Variants in FBLN5 observed in about 807,000 individuals in gnomAD.
The protein encoded by FBLN5 is fibulin-5.
In FBLN5, 24 loss-of-function variants were observed where a neutral mutation model predicts 61.6. That is an observed-to-expected ratio of 0.39 (90% CI 0.28 to 0.55). FBLN5 has a LOEUF of 0.55. FBLN5 is among the 20% of genes least tolerant of loss of function. The pLI is 0.65. For missense variants in FBLN5, 470 were observed against 594.1 expected (o/e 0.79, Z 2.17); for synonymous variants, 213 against 219.8 (o/e 0.97, Z 0.27).
chr14:91,922,770 A>C (rs2284341), intron 4 of FBLN5, among the ~76,000 whole-genome samples: 33,854 of 152,016 alleles, frequency 0.22, 3,913 homozygotes, highest in Middle Eastern at 0.34. Context: ...GCTGCTTGCA[A>C]ACTTCCCCCA....
At chr14:91,918,068 A>T (rs1891271086) in intron 4 of FBLN5, among the ~76,000 whole-genome samples, 1 of 152,188 alleles carries the variant, frequency 6.6e-6, no homozygotes, top group Non-Finnish European at 1.5e-5. Context: ...ACCAGTTGGG[A>T]GTGTCACATC....
intron 4 of FBLN5, among the ~76,000 whole-genome samples, chr14:91,914,864 A>C (rs1891122178): frequency 6.6e-6 from 1 of 151,824 alleles, no homozygotes; most frequent in South Asian, 2.1e-4. Flanking sequence ...TTTTTAATTA[A>C]AGAATTAACA....
Position 91,920,355 on chromosome 14 carries a change from C to A in FBLN5, c.379+16592G>T, listed in dbSNP as rs1281518828. Reference sequence around the variant, plus strand: ...AGGGCTGTATGATTTACAAAGAGGACTGGTCACTTACTATCCCCAGTGTCT... The same window carrying A: ...AGGGCTGTATGATTTACAAAGAGGAATGGTCACTTACTATCCCCAGTGTCT... On this transcript the variant is annotated intron_variant, in intron 4 of 10. Transcript: ENST00000342058. Among the ~76,000 whole-genome samples the A allele has an allele frequency of 2.0e-5, 3 of 152,174 alleles. No individual in the cohort carries two copies. In the East Asian group the frequency reaches 5.8e-4, roughly 29 times the overall value.
intron 4 of FBLN5, among the ~76,000 whole-genome samples, chr14:91,932,065 C>G (rs766732592): frequency 2.0e-4 from 31 of 152,136 alleles, no homozygotes; most frequent in African/African-American, 7.5e-4. Context: ...CTTCAGCAGC[C>G]CCTCCCTGCT....
chr14:91,924,579 G>A (rs144684685), intron 4 of FBLN5, among the ~76,000 whole-genome samples: 3,572 of 152,164 alleles, frequency 0.023, 76 homozygotes, highest in Middle Eastern at 0.044. Flanking sequence ...CTACTCGGGA[G>A]GCTGAGGCAC....
At chr14:91,909,904 T>C (rs959868106) in intron 4 of FBLN5, among the ~76,000 whole-genome samples, 6 of 152,108 alleles carry the variant, frequency 3.9e-5, no homozygotes, top group Admixed American at 6.5e-5. Flanking sequence ...GGTGAGGACG[T>C]GGAGAAACTG....
At chr14:91,881,666 G>A (rs182995145) in intron 8 of FBLN5, among the ~76,000 whole-genome samples, 12 of 152,254 alleles carry the variant, frequency 7.9e-5, no homozygotes, top group East Asian at 3.9e-4. Flanking sequence ...AGTGGCTTAC[G>A]TCTGTAATCC....
At position 91,939,861 on chromosome 14, in the gene FBLN5, G is replaced by A. The variant is rs988847479; in HGVS notation, c.124+704C>T. 36 of 435,184 alleles carry A rather than the reference G, an allele frequency of 8.3e-5. 1 individual carries two copies. The highest frequency in any genetic ancestry group is 3.7e-4 in the South Asian group (23 of 61,656). 27.0% of individuals were successfully genotyped at this position (435,184 alleles called of 1,614,324 possible). On this transcript the variant is annotated intron_variant, in intron 3 of 10. Transcript: ENST00000342058. Reference sequence around the variant, plus strand: ...ACTAAGCAGCTGACCTTGAGATGGGGAGGTTATCCTGGATTTTCTGGGTGG... The same window carrying A: ...ACTAAGCAGCTGACCTTGAGATGGGAAGGTTATCCTGGATTTTCTGGGTGG...
rs1329653115 is a variant in FBLN5, at chr14:91,944,127, C to T, written c.18-1166G>A. The stretch of plus-strand genomic sequence containing the variant: ...GGAAGGTCACCTGAGGTCAGGAGTT[C>T]GAGACCAGCCTGGCCAACATGGTGA... On this transcript the variant is annotated intron_variant, in intron 1 of 10. Coordinates refer to ENST00000342058, the MANE Select transcript of FBLN5 (RefSeq NM_006329.4). 3.9e-5 allele frequency among the ~76,000 whole-genome samples: 6 copies of T among 152,074 alleles called. No individual in the cohort carries two copies. In the East Asian group the frequency reaches 9.6e-4, roughly 24 times the overall value.
chr14:91,908,354 C>G (rs958949591), intron 4 of FBLN5, among the ~76,000 whole-genome samples: 1 of 152,190 alleles, frequency 6.6e-6, no homozygotes, highest in Non-Finnish European at 1.5e-5. Flanking sequence ...ATCCTTCACC[C>G]CTTCTTAGCA....
Position 91,937,691 on chromosome 14 carries a change from G to A in FBLN5, c.125-490C>T, listed in dbSNP as rs145653651. ...CACCGTGTGATGCCTTGCGTACTTC[G>A]GAACTCTGCAGAGAGCCCCCACCAG... On this transcript the variant is annotated intron_variant, in intron 3 of 10. Coordinates refer to ENST00000342058, the MANE Select transcript of FBLN5 (RefSeq NM_006329.4). 3.9e-3 allele frequency among the ~76,000 whole-genome samples: 594 copies of A among 152,226 alleles called. 1 individual carries two copies. Among genetic ancestry groups the A allele is most frequent in the Non-Finnish European group, 6.5e-3 (439 of 68,010 alleles).
intron 1 of FBLN5, among the ~76,000 whole-genome samples, chr14:91,944,389 G>C: frequency 6.6e-6 from 1 of 152,188 alleles, no homozygotes; most frequent in Non-Finnish European, 1.5e-5. Context: ...ATGGAAAACA[G>C]TATGATGACT....
rs190933127 is a variant in FBLN5, at chr14:91,894,935, C to T, written c.502+15G>A. ...ACTTCCAAGAGTCCCTGTGACCCCC[C>T]CAGAGAGCTGTTACCTAAGCACTGG... is the stretch of plus-strand genomic sequence containing the variant. On this transcript the variant is annotated intron_variant, in intron 5 of 10. Coordinates refer to ENST00000342058, the MANE Select transcript of FBLN5 (RefSeq NM_006329.4). 20 of 1,613,296 alleles carry T rather than the reference C, an allele frequency of 1.2e-5. No individual in the cohort carries two copies. The highest frequency in any genetic ancestry group is 1.6e-5 in the Non-Finnish European group (19 of 1,179,634).
intron 4 of FBLN5, among the ~76,000 whole-genome samples, chr14:91,897,374 C>T (rs187717762): frequency 6.6e-6 from 1 of 152,186 alleles, no homozygotes; most frequent in South Asian, 2.1e-4. Flanking sequence ...GTGCCACTAT[C>T]GGCTGGTGCG....
At chr14:91,902,285 T>TGG (rs1566811805) in intron 4 of FBLN5, among the ~76,000 whole-genome samples, 2 of 146,122 alleles carry the variant, frequency 1.4e-5, no homozygotes, top group Admixed American at 6.8e-5. Context: ...TTGTTTGTTT[T>TGG]TTTTTTTTTT....
chr14:91,941,168 T>G (rs1379899308), intron 2 of FBLN5, among the ~76,000 whole-genome samples: 1 of 152,178 alleles, frequency 6.6e-6, no homozygotes, highest in Non-Finnish European at 1.5e-5. Flanking sequence ...GAGTGTCGAA[T>G]ATGAGTTATT....
At chr14:91,946,017 A>G (rs1051883993) in intron 1 of FBLN5, among the ~76,000 whole-genome samples, 5 of 152,200 alleles carry the variant, frequency 3.3e-5, no homozygotes, top group African/African-American at 1.2e-4. Context: ...TGTTGGAGAA[A>G]GAACAGGCTG....
intron 4 of FBLN5, among the ~76,000 whole-genome samples, chr14:91,895,296 CAAG>C (rs1890176751): frequency 6.6e-6 from 1 of 152,176 alleles, no homozygotes; most frequent in African/African-American, 2.4e-5. Context: ...GGGAAATGGC[CAAG>C]AAGGGAACCC....
intron 4 of FBLN5, among the ~76,000 whole-genome samples, chr14:91,935,630 C>T (rs1375083213): frequency 6.6e-6 from 1 of 152,132 alleles, no homozygotes; most frequent in Non-Finnish European, 1.5e-5. Context: ...GGCATCCTAC[C>T]TCTGTAATTA....
Sources: gnomAD v4.1 joint callset for allele counts (sites outside exome capture counted in the v4.1 genomes callset) on GRCh38, gnomAD v4.1.1 for gene constraint, MANE v1.5 for transcripts, NCBI Gene and HGNC (gene_info 2026-07-23, HGNC 2026-07-21) for gene names.